KMT2A: variants seen among roughly 807,000 people sequenced by gnomAD.
KMT2A encodes the protein histone-lysine N-methyltransferase 2A.
A neutral mutation model predicts 345.3 loss-of-function variants in KMT2A; 16 were observed. The observed-to-expected ratio is 0.05, with a 90% CI of 0.03 to 0.07. The LOEUF (loss-of-function observed/expected upper bound fraction) is 0.07, where lower values mean the gene tolerates loss of function less well. KMT2A is among the 10% of genes least tolerant of loss of function. The pLI is 1.00. For missense variants in KMT2A, 3,272 were observed against 4,841.6 expected (o/e 0.68, Z 9.62); for synonymous variants, 1,599 against 1,778.6 (o/e 0.90, Z 2.54).
chr11:118,466,454 C>A (rs1418294722), intron 1 of KMT2A, among the ~76,000 whole-genome samples: 1 of 152,114 alleles, frequency 6.6e-6, no homozygotes, highest in Non-Finnish European at 1.5e-5. Context: ...ACTGTGCTGG[C>A]CAAGAGAGAA....
In KMT2A at chr11:118,488,715, T is replaced by C. The variant is rs1555041633; in HGVS notation, c.4434T>C (p.Arg1478=). The C allele has an allele frequency of 6.2e-7, 1 of 1,614,138 alleles. No individual in the cohort carries two copies. Residue 1478 remains arginine (R), a synonymous_variant, in exon 11 of 36, where the codon CGT becomes CGC. Transcript: ENST00000534358. ...EDQLENWCCR[R]CKFCHVCGRQ... The stretch of plus-strand genomic sequence containing the variant: ...AGCTGGAAAATTGGTGTTGTCGTCG[T>C]TGCAAATTCTGTCACGTTTGTGGAA...
intron 5 of KMT2A, among the ~76,000 whole-genome samples, chr11:118,478,901 C>T (rs1950084260): frequency 6.6e-6 from 1 of 152,106 alleles, no homozygotes; most frequent in Non-Finnish European, 1.5e-5. Context: ...GGATTACAAA[C>T]ATGAGCCACA....
rs376129606 is a variant in KMT2A, at chr11:118,523,811, G to T, written c.*1639G>T. On this transcript the variant is annotated 3_prime_UTR_variant, in exon 36 of 36. Coordinates refer to ENST00000534358, the MANE Select transcript of KMT2A (RefSeq NM_001197104.2). ...GTTGTTTAATGTGTAGCTTGTTTGTGCCCTGTTGACATAAATGTTTCCTGG... is the reference window on the plus strand; with the variant it reads ...GTTGTTTAATGTGTAGCTTGTTTGTTCCCTGTTGACATAAATGTTTCCTGG... 17 of 212,320 alleles carry T rather than the reference G, an allele frequency of 8.0e-5. No homozygotes were observed. Among genetic ancestry groups the T allele is most frequent in the East Asian group, 3.5e-4 (5 of 14,108 alleles). 13.2% of individuals were successfully genotyped at this position (212,320 alleles called of 1,614,324 possible).
chr11:118,489,230 TCAAAAA>T (rs1950284998), intron 11 of KMT2A, among the ~76,000 whole-genome samples: 1 of 20,476 alleles, frequency 4.9e-5, no homozygotes, highest in Admixed American at 7.4e-4. Context: ...AGACTCCATC[TCAAAAA>T]AAAAAAAAAA....
At chr11:118,440,500 TA>T (rs1481570110) in intron 1 of KMT2A, among the ~76,000 whole-genome samples, 17 of 152,228 alleles carry the variant, frequency 1.1e-4, no homozygotes, top group Non-Finnish European at 2.1e-4. Context: ...GTTGTAATAA[TA>T]AACCCCTGAA....
At position 118,502,455 on chromosome 11, in the gene KMT2A, C is replaced by G. The variant is rs1555045999; in HGVS notation, c.6563C>G (p.Ser2188Cys). 2 of 1,613,950 alleles carry G rather than the reference C, an allele frequency of 1.2e-6. No homozygotes were observed. Among genetic ancestry groups the G allele is most frequent in the Admixed American group, 3.3e-5 (2 of 60,006 alleles). The change falls in exon 27 of 36, where the codon TCT becomes TGT. Residue 2188 changes from serine to cysteine, a missense_variant. Around this residue, in one of 27 missense-constraint regions of KMT2A, gnomAD observed 445 missense variants for 500.9 expected, o/e 0.89. Coordinates refer to ENST00000534358, the MANE Select transcript of KMT2A (RefSeq NM_001197104.2). The surrounding 1 kb of genome is among the most constrained non-coding windows in gnomAD (Gnocchi z 4.9). Reference sequence around the variant, plus strand: ...ACAGTAGGTGATCCTTTACTCTCCTCTGGACTTCGAAGCATTGGCTCCAGG... The same window carrying G: ...ACAGTAGGTGATCCTTTACTCTCCTGTGGACTTCGAAGCATTGGCTCCAGG... ...IVTVGDPLLS[S>C]GLRSIGSRRH... is the part of the protein sequence containing the mutation.
Position 118,526,606 on chromosome 11 carries a change from G to A in KMT2A, c.*4434G>A, listed in dbSNP as rs140845386. 15 of 228,820 alleles carry A rather than the reference G, an allele frequency of 6.6e-5. No individual in the cohort carries two copies. In the East Asian group the frequency reaches 8.1e-4, roughly 12 times the overall value. 14.2% of individuals were successfully genotyped at this position (228,820 alleles called of 1,614,324 possible). A position where few individuals can be genotyped will look rare whatever the true frequency, so the allele number is the denominator to read the frequency against. ...AAAGAGAAAAAAAAAAAAGGAAAAT[G>A]TGTCTAAAGTCCATCAGTGTTAACT... On this transcript the variant is annotated 3_prime_UTR_variant, in exon 36 of 36. Transcript: ENST00000534358.
At position 118,497,491 on chromosome 11, in the gene KMT2A, G is replaced by C. The variant is rs1032629403; in HGVS notation, c.5665-445G>C. 6.6e-6 allele frequency among the ~76,000 whole-genome samples: 1 copy of C among 152,082 alleles called. No individual in the cohort carries two copies. The highest frequency in any genetic ancestry group is 2.4e-5 in the African/African-American group (1 of 41,400). On this transcript the variant is annotated intron_variant, in intron 20 of 35. Transcript: ENST00000534358. The surrounding 1 kb of genome is among the most constrained non-coding windows in gnomAD (Gnocchi z 4.8). ...GCTCACTGCAATCTCGGCTTCCGGG[G>C]CTCAAGTGATCCTCCTACCTCAGCC...
rs1555046255 is a variant in KMT2A at position 118,502,829 on chromosome 11, G to T, written c.6937G>T (p.Val2313Leu). The T allele has an allele frequency of 1.2e-6, 2 of 1,614,190 alleles. No homozygotes were observed. Among genetic ancestry groups the T allele is most frequent in the Non-Finnish European group, 1.7e-6 (2 of 1,180,018 alleles). ...CTCTTTAAAGGGAGAGAAGACCAAA[G>T]TGCTGAGTTCCAAGAGCTCAGAGGG... is the stretch of plus-strand genomic sequence containing the variant. The part of the protein sequence containing the change: ...SSSLKGEKTK[V>L]LSSKSSEGSA... Residue 2313 changes from valine (V) to leucine (L), a missense_variant, in exon 27 of 36, where the codon GTG becomes TTG. By Grantham distance (32) the Val-to-Leu change is conservative. This residue lies in a region of KMT2A where 445 missense variants were observed against 500.9 expected (regional missense o/e 0.89). Coordinates refer to ENST00000534358, the MANE Select transcript of KMT2A (RefSeq NM_001197104.2). This position sits in a 1 kb window ranked among gnomAD's most constrained non-coding sequence, Gnocchi z 4.9.
In KMT2A at chr11:118,472,233, T is replaced by G. The variant is rs782337410; in HGVS notation, c.1074T>G (p.Val358=). 1.2e-6 allele frequency: 2 copies of G among 1,613,952 alleles called. No individual in the cohort carries two copies. Among genetic ancestry groups the G allele is most frequent in the South Asian group, 2.2e-5 (2 of 91,076 alleles). ...VRQSPRRIKP[V]RIIPSSKRTD... is the part of the protein sequence containing the mutation. ...AAAGCCCTCGAAGGATTAAGCCAGT[T>G]AGGATTATTCCTTCTTCAAAAAGGA... is the stretch of plus-strand genomic sequence containing the variant. The change falls in exon 3 of 36, where the codon GTT becomes GTG. Residue 358 remains valine (V), a synonymous_variant. Coordinates refer to ENST00000534358, the MANE Select transcript of KMT2A (RefSeq NM_001197104.2).
In KMT2A at chr11:118,490,357, G is replaced by A. The variant is rs1950305994; in HGVS notation, c.4696+108G>A. On this transcript the variant is annotated intron_variant, in intron 13 of 35. Transcript: ENST00000534358. The surrounding 1 kb of genome is among the most constrained non-coding windows in gnomAD (Gnocchi z 4.2). ...TAAAAAGTCTCACACATTATGTCAA[G>A]GATACCATTTAGACACATTTCCTAA... 8.4e-7 allele frequency: 1 copy of A among 1,193,594 alleles called. No individual in the cohort carries two copies. Among genetic ancestry groups the A allele is most frequent in the Non-Finnish European group, 1.1e-6 (1 of 884,650 alleles). 73.9% of individuals were successfully genotyped at this position (1,193,594 alleles called of 1,614,324 possible). A position where few individuals can be genotyped will look rare whatever the true frequency, so the allele number is the denominator to read the frequency against.
At chr11:118,501,277 G>T (rs1555045567) in intron 25 of KMT2A, 130 bp downstream of exon 25, 2 of 770,482 alleles carry the variant, frequency 2.6e-6, no homozygotes, top group Non-Finnish European at 4.1e-6. Context: ...GGCCAACATG[G>T]TGAAACCCCA....
At chr11:118,519,398 T>G (rs1292168067) in intron 31 of KMT2A, 7 of 472,374 alleles carry the variant, frequency 1.5e-5, no homozygotes, top group African/African-American at 9.5e-5. Context: ...GGTGGCATGC[T>G]TTTTTCACTT....
chr11:118,485,830 C>T (rs1297271107), intron 10 of KMT2A, among the ~76,000 whole-genome samples: 1 of 152,208 alleles, frequency 6.6e-6, no homozygotes, highest in African/African-American at 2.4e-5. Context: ...CGCCTGTAAT[C>T]CCAGCACTTT....
intron 1 of KMT2A, among the ~76,000 whole-genome samples, chr11:118,451,663 T>C: frequency 6.6e-6 from 1 of 151,378 alleles, no homozygotes; most frequent in East Asian, 1.9e-4. Context: ...TGAATTTTTT[T>C]TTTTTTTTTT....
Position 118,484,938 on chromosome 11 carries a change from T to C in KMT2A, c.4295T>C (p.Val1432Ala). 6.2e-7 allele frequency: 1 copy of C among 1,613,678 alleles called. No homozygotes were observed. Among genetic ancestry groups the C allele is most frequent in the Non-Finnish European group, 8.5e-7 (1 of 1,179,754 alleles). The change falls in exon 10 of 36, where the codon GTG becomes GCG. Residue 1432 changes from valine (V) to alanine (A), a missense_variant. Val to Ala is a moderately conservative substitution (Grantham distance 64). Transcript: ENST00000534358. The surrounding 1 kb of genome is among the most constrained non-coding windows in gnomAD (Gnocchi z 4.1). ...ACTTCTGTTCCTATAACACCCAGGG[T>C]GGTTTGCTTTCTCTGTGCCAGTAGT... ...ILTSVPITPR[V>A]VCFLCASSGH...
At chr11:118,483,104 G>A (rs1950165960) in intron 8 of KMT2A, among the ~76,000 whole-genome samples, 1 of 151,824 alleles carries the variant, frequency 6.6e-6, no homozygotes, top group South Asian at 2.1e-4. Flanking sequence ...GTGGTAGTGG[G>A]TGCTTGTAAT....
Position 118,521,883 on chromosome 11 carries a change from T to C in KMT2A, c.11644-14T>C. 1.9e-6 allele frequency: 3 copies of C among 1,606,882 alleles called. No homozygotes were observed. Among genetic ancestry groups the C allele is most frequent in the South Asian group, 2.2e-5 (2 of 90,996 alleles). ...AGAAATGACAAGTTCTTCTCCCTTC[T>C]TCTGCATGTGCAGGGCATTGGTTGC... is the stretch of plus-strand genomic sequence containing the variant. On this transcript the variant is annotated splice_polypyrimidine_tract_variant and intron_variant, in intron 35 of 35. Coordinates refer to ENST00000534358, the MANE Select transcript of KMT2A (RefSeq NM_001197104.2). The surrounding 1 kb of genome is among the most constrained non-coding windows in gnomAD (Gnocchi z 5.3).
At chr11:118,437,740 C>T (rs572481234) in intron 1 of KMT2A, among the ~76,000 whole-genome samples, 1 of 151,590 alleles carries the variant, frequency 6.6e-6, no homozygotes, top group African/African-American at 2.4e-5. Flanking sequence ...AATTACTCTA[C>T]CTTCACTCCA....
Sources: gnomAD v4.1 joint callset for allele counts (sites outside exome capture counted in the v4.1 genomes callset) on GRCh38, gnomAD v4.1.1 for gene constraint, gnomAD v4.1.1 regional missense constraint, Gnocchi (gnomAD v3.1) non-coding constraint, MANE v1.5 for transcripts, NCBI Gene and HGNC (gene_info 2026-07-23, HGNC 2026-07-21) for gene names.